The following KCNIP4 variants were observed in gnomAD, a reference collection of about 807,000 sequenced individuals.
The protein encoded by KCNIP4 is potassium voltage-gated channel interacting protein 4.
A neutral mutation model predicts 34.0 loss-of-function variants in KCNIP4; 12 were observed. That is an observed-to-expected ratio of 0.35 (90% confidence interval 0.23 to 0.57). The LOEUF is 0.57. Ranked by LOEUF, KCNIP4 falls within the 20% of genes least tolerant of loss-of-function variation. The probability of loss-of-function intolerance (pLI) is 0.83; values close to 1 mark genes in which losing one functional copy is unlikely to be tolerated. For synonymous variants in KCNIP4, 124 were observed against 102.2 expected, an observed-to-expected ratio of 1.21 and a Z score of -1.29; for missense variants, 238 against 311.7, an observed-to-expected ratio of 0.76 and a Z score of 1.78.
At chr4:21,101,796 T>G (rs1275050513) in intron 1 of KCNIP4, among the ~76,000 whole-genome samples, 1 of 152,204 alleles carries the variant, frequency 6.6e-6, no homozygotes, top group Non-Finnish European at 1.5e-5. Context: ...CTATGTTTAT[T>G]GAAAACCTAT....
chr4:21,157,343 CTT>C (rs34510333), intron 1 of KCNIP4, among the ~76,000 whole-genome samples: 27,949 of 149,740 alleles, frequency 0.19, 2,733 homozygotes, highest in African/African-American at 0.23. Context: ...TCAATGTATT[CTT>C]TTTTTTTTTT....
At chr4:21,737,172 C>A (rs1486311735) in intron 1 of KCNIP4, among the ~76,000 whole-genome samples, 2 of 152,134 alleles carry the variant, frequency 1.3e-5, no homozygotes, top group Non-Finnish European at 2.9e-5. Context: ...CGGGTGTAGT[C>A]ATTTACCTAC....
chr4:20,951,539 CCTTCT>C (rs1255325156), intron 1 of KCNIP4, among the ~76,000 whole-genome samples: 2 of 152,126 alleles, frequency 1.3e-5, no homozygotes, highest in Non-Finnish European at 2.9e-5. Flanking sequence ...CATGTAGTTT[CCTTCT>C]TAATAAAAGA....
chr4:21,005,358 G>C (rs1017985689), intron 1 of KCNIP4, among the ~76,000 whole-genome samples: 2 of 152,080 alleles, frequency 1.3e-5, no homozygotes, highest in Admixed American at 6.6e-5. Context: ...ATAATCTTTG[G>C]CAGTGTGGGT....
chr4:20,888,328 A>G (rs754776209), intron 1 of KCNIP4, among the ~76,000 whole-genome samples: 1 of 152,112 alleles, frequency 6.6e-6, no homozygotes. Context: ...ATGTTCAATC[A>G]CTATCTACTG....
At chr4:21,316,534 A>T (rs1291404408) in intron 1 of KCNIP4, 1 of 152,224 alleles carries the variant, frequency 6.6e-6, no homozygotes, top group Admixed American at 6.5e-5. Flanking sequence ...AACTTTAATC[A>T]TTAACACCAT....
intron 1 of KCNIP4, among the ~76,000 whole-genome samples, chr4:21,653,026 GTAAA>G (rs1747629837): frequency 6.6e-6 from 1 of 152,174 alleles, no homozygotes; most frequent in African/African-American, 2.4e-5. Flanking sequence ...ACAGAAAAAT[GTAAA>G]TGTGGCTACA....
chr4:21,200,238 T>C (rs1756367031), intron 1 of KCNIP4, among the ~76,000 whole-genome samples: 1 of 151,168 alleles, frequency 6.6e-6, no homozygotes, highest in African/African-American at 2.4e-5. Flanking sequence ...GATTCACAAT[T>C]GCAAAGATAA....
chr4:21,413,869 G>T (rs879559238), intron 1 of KCNIP4, among the ~76,000 whole-genome samples: 1 of 152,118 alleles, frequency 6.6e-6, no homozygotes, highest in African/African-American at 2.4e-5. Context: ...TTATCACAGG[G>T]TTATTAGTCT....
At chr4:20,999,438 GTTTTTTT>G (rs56952036) in intron 1 of KCNIP4, among the ~76,000 whole-genome samples, 1 of 45,530 alleles carries the variant, frequency 2.2e-5, no homozygotes, top group Non-Finnish European at 4.1e-5. Flanking sequence ...TTTGTTTTTT[GTTTTTTT>G]TTTTTTTTTT....
chr4:21,499,210 A>G (rs1311021731), intron 1 of KCNIP4, among the ~76,000 whole-genome samples: 1 of 152,002 alleles, frequency 6.6e-6, no homozygotes, highest in Non-Finnish European at 1.5e-5. Context: ...ATGCGCCTGT[A>G]ATCCCAGCTA....
chr4:21,385,784 T>G (rs1721972718), intron 1 of KCNIP4, among the ~76,000 whole-genome samples: 1 of 152,134 alleles, frequency 6.6e-6, no homozygotes, highest in Non-Finnish European at 1.5e-5. Context: ...CCAGAAACAT[T>G]TCAAACCAGG....
intron 1 of KCNIP4, among the ~76,000 whole-genome samples, chr4:21,806,642 CT>C (rs1249986098): frequency 2.0e-5 from 3 of 152,136 alleles, no homozygotes; most frequent in African/African-American, 7.2e-5. Context: ...CTATTAACTT[CT>C]CAAAGTTCAT....
intron 1 of KCNIP4, among the ~76,000 whole-genome samples, chr4:20,887,616 C>T (rs563309625): frequency 6.6e-6 from 1 of 152,070 alleles, no homozygotes; most frequent in South Asian, 2.1e-4. Flanking sequence ...CAGGGGAATA[C>T]AGAGACTATC....
rs768668990 is a variant in KCNIP4, at chr4:20,905,522, T to TTTTTTTGTTTG, written c.62-22814_62-22813insCAAACAAAAAA. On this transcript the variant is annotated intron_variant, in intron 1 of 8. Coordinates refer to ENST00000382152, the MANE Select transcript of KCNIP4 (RefSeq NM_025221.6). Reference sequence around the variant, plus strand: ...AACGTTTTCTTTCTTTTTTTTTTTTTTTTGTTTGAGATGGAGTCTTGCTCT... The same window carrying TTTTTTTGTTTG: ...AACGTTTTCTTTCTTTTTTTTTTTTTTTTTTTGTTTGTTTGTTTGAGATGGAGTCTTGCTCT... Among the ~76,000 whole-genome samples the TTTTTTTGTTTG allele has an allele frequency of 1.2e-3, 128 of 111,250 alleles. 3 individuals are homozygous for TTTTTTTGTTTG. Among genetic ancestry groups the TTTTTTTGTTTG allele is most frequent in the East Asian group, 2.5e-3 (8 of 3,250 alleles). 73.0% of individuals were successfully genotyped at this position (111,250 alleles called of 152,430 possible). A position where few individuals can be genotyped will look rare whatever the true frequency, so the allele number is the denominator to read the frequency against.
chr4:20,857,930 C>T (rs1383248331), intron 2 of KCNIP4, among the ~76,000 whole-genome samples: 4 of 151,770 alleles, frequency 2.6e-5, no homozygotes, highest in South Asian at 2.1e-4. Flanking sequence ...AAGCATAGGC[C>T]GGGCGTGGTG....
chr4:21,823,570 A>C (rs1722499930), intron 1 of KCNIP4, among the ~76,000 whole-genome samples: 1 of 151,716 alleles, frequency 6.6e-6, no homozygotes, highest in Non-Finnish European at 1.5e-5. Flanking sequence ...ACACTGGTAC[A>C]TTTTTTAAGA....
chr4:21,396,549 C>CAAAAAAAA (rs555585102), intron 1 of KCNIP4, among the ~76,000 whole-genome samples: 534 of 52,768 alleles, frequency 0.01, 78 homozygotes, highest in Non-Finnish European at 0.014. Flanking sequence ...AGCAAGACTC[C>CAAAAAAAA]AAAAAAAAAA....
chr4:20,759,289 A>T (rs1754748555), intron 3 of KCNIP4, among the ~76,000 whole-genome samples: 1 of 152,170 alleles, frequency 6.6e-6, no homozygotes, highest in Non-Finnish European at 1.5e-5. Flanking sequence ...AACTCACATA[A>T]TCTTCGATTC....
Sources: gnomAD v4.1 joint callset for allele counts (sites outside exome capture counted in the v4.1 genomes callset) on GRCh38, gnomAD v4.1.1 for gene constraint, MANE v1.5 for transcripts, NCBI Gene and HGNC (gene_info 2026-07-23, HGNC 2026-07-21) for gene names.